The following OGDHL variants were observed in gnomAD, a reference collection of about 807,000 sequenced individuals.
OGDHL encodes the protein 2-oxoglutarate dehydrogenase-like, mitochondrial.
Under a neutral mutation model 109.6 loss-of-function variants are expected in OGDHL, and 79 were observed. The observed-to-expected ratio is 0.72, with a 90% CI of 0.60 to 0.87. The LOEUF (loss-of-function observed/expected upper bound fraction) is 0.87. Among genes scored for constraint, OGDHL ranks in the 40% least tolerant of loss-of-function variants. The pLI is 0.00. For missense variants in OGDHL, 1,275 were observed against 1,362.2 expected, an observed-to-expected ratio of 0.94 and a Z score of 1.01; for synonymous variants, 528 against 537.2, an observed-to-expected ratio of 0.98 and a Z score of 0.24.
chr10:49,750,805 G>A, intron 7 of OGDHL, 34 bp downstream of exon 7: 1 of 1,574,642 alleles, frequency 6.4e-7, no homozygotes, highest in Non-Finnish European at 8.7e-7. Context: ...GGCTGGAGGA[G>A]AATGCGCAAG....
Position 49,752,691 on chromosome 10 carries a change from GC to G in OGDHL, c.424del (p.Ala142GlnfsTer11). ...TGAGGGCACAAAGGAGTCCAGGTCT[GC>G]ATCCAGAATGCCCAGGGGGTCCAGC... ...AQLDPLGILD[A>X]DLDSFVPSDL... On this transcript the variant is annotated frameshift_variant, in exon 4 of 23. Transcript: ENST00000374103. LOFTEE classifies it high-confidence loss of function. 6.2e-7 allele frequency: 1 copy of G among 1,614,184 alleles called. No individual in the cohort carries two copies. Among genetic ancestry groups the G allele is most frequent in the Non-Finnish European group, 8.5e-7 (1 of 1,180,012 alleles).
At chr10:49,753,482 G>A (rs1016394616) in intron 3 of OGDHL, among the ~76,000 whole-genome samples, 1 of 152,172 alleles carries the variant, frequency 6.6e-6, no homozygotes, top group African/African-American at 2.4e-5. Context: ...TGTCCACTTA[G>A]TGGCATAAAT....
rs1158532546 is a variant in OGDHL at position 49,750,934 on chromosome 10, C to T, written c.801G>A (p.Leu267=). The T allele has an allele frequency of 1.2e-6, 2 of 1,611,482 alleles. No homozygotes were observed. The highest frequency in any genetic ancestry group is 1.7e-6 in the Non-Finnish European group (2 of 1,178,494). ...RKWSSEKRFG[L]EGCEVMIPAL... ...CAGGAATCATCACTTCACAGCCCTCCAGGCCAAACCGCTTCTCTGAGGACC... is the reference window on the plus strand; with the variant it reads ...CAGGAATCATCACTTCACAGCCCTCTAGGCCAAACCGCTTCTCTGAGGACC... The change falls in exon 7 of 23, where the codon CTG becomes CTA. Residue 267 remains leucine (L), a synonymous_variant. Transcript: ENST00000374103.
rs779823838 is a variant in OGDHL, at chr10:49,752,123, C to T, written c.594+10G>A. 2 of 1,613,168 alleles carry T rather than the reference C, an allele frequency of 1.2e-6. No homozygotes were observed. Among genetic ancestry groups the T allele is most frequent in the Non-Finnish European group, 1.7e-6 (2 of 1,179,274 alleles). On this transcript the variant is annotated intron_variant, in intron 5 of 22. Transcript: ENST00000374103. ...CTTCAGCTGCACCCCACACACCCGC[C>T]TGTGCTCACCTCCAGGCGCCGAATG...
chr10:49,738,542 T>C, intron 17 of OGDHL: 1 of 485,134 alleles, frequency 2.1e-6, no homozygotes, highest in Non-Finnish European at 3.8e-6. Flanking sequence ...TGGAATGTCC[T>C]GGAACAGTGG....
chr10:49,750,756 C>T (rs1016706484), intron 7 of OGDHL, 83 bp downstream of exon 7: 3 of 1,476,412 alleles, frequency 2.0e-6, no homozygotes, highest in Admixed American at 2.2e-5. Flanking sequence ...AACACCTCCG[C>T]TCTGATTTCC....
chr10:49,761,943 G>T (rs1383430632), intron 1 of OGDHL, among the ~76,000 whole-genome samples: 1 of 152,232 alleles, frequency 6.6e-6, no homozygotes, highest in African/African-American at 2.4e-5. Context: ...GGGGCAGTCT[G>T]AAGTCCTCGG....
chr10:49,750,639 C>T (rs1324946798), intron 7 of OGDHL, among the ~76,000 whole-genome samples, 200 bp downstream of exon 7: 2 of 152,176 alleles, frequency 1.3e-5, no homozygotes, highest in African/African-American at 2.4e-5. Context: ...GGTTAGCACC[C>T]GGCCCCAGGT....
At chr10:49,745,640 C>T (rs1225056636) in intron 11 of OGDHL, 144 bp from the exon 12 acceptor site, 39 of 1,296,012 alleles carry the variant, frequency 3.0e-5, no homozygotes, top group Non-Finnish European at 3.9e-5. Context: ...AATGAATGTC[C>T]CGTCCCAGGC....
At chr10:49,735,734 C>T (rs530992998) in intron 22 of OGDHL, among the ~76,000 whole-genome samples, 208 of 152,362 alleles carry the variant, frequency 1.4e-3, no homozygotes, top group Admixed American at 2.1e-3. Context: ...CTAATACATA[C>T]ATCAGATCTA....
chr10:49,757,088 T>C, intron 2 of OGDHL, 142 bp from the exon 3 acceptor site: 2 of 701,664 alleles, frequency 2.9e-6, no homozygotes, highest in Non-Finnish European at 4.5e-6. Flanking sequence ...TAGATGTACA[T>C]ACAACGATGT....
intron 8 of OGDHL, among the ~76,000 whole-genome samples, chr10:49,747,440 C>T (rs930152232): frequency 5.3e-5 from 8 of 152,180 alleles, no homozygotes; most frequent in African/African-American, 1.9e-4. Context: ...TGTACACTGA[C>T]CATGGAGCAG....
At chr10:49,737,702 T>G (rs866403531) in intron 20 of OGDHL, 84 bp downstream of exon 20, 1 of 1,458,098 alleles carries the variant, frequency 6.9e-7, no homozygotes, top group Non-Finnish European at 9.6e-7. Flanking sequence ...AGAGGGGAGG[T>G]TGGAGAAGCC....
At chr10:49,759,011 C>G (rs1445366627) in intron 1 of OGDHL, among the ~76,000 whole-genome samples, 1 of 152,056 alleles carries the variant, frequency 6.6e-6, no homozygotes, top group Non-Finnish European at 1.5e-5. Context: ...CTCAGGCCCA[C>G]CACCCTAGAA....
intron 1 of OGDHL, among the ~76,000 whole-genome samples, chr10:49,761,266 T>A (rs1588823684): frequency 6.6e-6 from 1 of 151,894 alleles, no homozygotes; most frequent in East Asian, 1.9e-4. Context: ...TCACATAGCA[T>A]CCCCAACCCA....
intron 15 of OGDHL, 112 bp from the exon 16 acceptor site, chr10:49,740,949 G>A: frequency 7.2e-7 from 1 of 1,382,314 alleles, no homozygotes; most frequent in South Asian, 1.3e-5. Flanking sequence ...CACTGTCCCA[G>A]GAAACCTGCA....
At chr10:49,761,228 C>G (rs1460666694) in intron 1 of OGDHL, among the ~76,000 whole-genome samples, 1 of 152,200 alleles carries the variant, frequency 6.6e-6, no homozygotes, top group Non-Finnish European at 1.5e-5. Context: ...CTGGGTATCT[C>G]TTGGGGGTCT....
intron 5 of OGDHL, 22 bp from the exon 6 acceptor site, chr10:49,752,003 C>T (rs1298750589): frequency 9.9e-6 from 16 of 1,613,886 alleles, no homozygotes; most frequent in Non-Finnish European, 1.3e-5. Flanking sequence ...CATTGGGACC[C>T]CATGAGGAGC....
rs763551913 is a variant in OGDHL at position 49,746,875 on chromosome 10, T to C, written c.1171A>G (p.Met391Val). The C allele has an allele frequency of 1.9e-6, 3 of 1,614,076 alleles. No homozygotes were observed. Among genetic ancestry groups the C allele is most frequent in the Non-Finnish European group, 1.7e-6 (2 of 1,179,988 alleles). Residue 391 changes from methionine (M) to valine (V), a missense_variant, in exon 10 of 23, where the codon ATG becomes GTG. Physicochemically the swap from Met to Val is conservative, Grantham distance 21. Transcript: ENST00000374103. ...GCGTCCCCATGAACCAGGATGGACA[T>C]GACCTGCAGGGCAGGTGTGAGCCAG... The part of the protein sequence containing the change: ...YRGDAQGKKV[M>V]SILVHGDAAF...
Sources: allele counts gnomAD v4.1 joint callset (sites outside exome capture counted in the v4.1 genomes callset), GRCh38; gene constraint gnomAD v4.1.1; transcripts MANE v1.5; gene names NCBI Gene and HGNC (gene_info 2026-07-23, HGNC 2026-07-21).